The following BAZ2B variants were observed in gnomAD, a reference collection of about 807,000 sequenced individuals.
BAZ2B encodes bromodomain adjacent to zinc finger domain 2B.
In BAZ2B, 91 loss-of-function variants were observed where a neutral mutation model predicts 246.0. The ratio of observed to expected loss-of-function variants is 0.37; its 90% CI spans 0.31 to 0.44. The LOEUF (loss-of-function observed/expected upper bound fraction) is 0.44. Among genes scored for constraint, BAZ2B ranks in the 20% least tolerant of loss-of-function variants. The pLI is 1.00. For synonymous variants in BAZ2B, 855 were observed against 860.0 expected (o/e 0.99, Z 0.10); for missense variants, 2,332 against 2,533.7 (o/e 0.92, Z 1.71).
At chr2:159,448,622 C>G (rs939339369) in intron 4 of BAZ2B, among the ~76,000 whole-genome samples, 1 of 152,196 alleles carries the variant, frequency 6.6e-6, no homozygotes, top group African/African-American at 2.4e-5. Flanking sequence ...AGGATCTTCA[C>G]TTGGCAGCTT....
chr2:159,508,735 A>G (rs1204571096), intron 2 of BAZ2B, among the ~76,000 whole-genome samples: 2 of 152,186 alleles, frequency 1.3e-5, no homozygotes, highest in Admixed American at 6.5e-5. Context: ...AAAACTTCCA[A>G]TTAGTTTTCC....
the BAZ2B span, among the ~76,000 whole-genome samples, chr2:159,709,313 G>C: frequency 5.9e-5 from 9 of 151,990 alleles, no homozygotes; most frequent in South Asian, 2.1e-4. Context: ...GTGTGGTGGG[G>C]GTGGGGACAA....
chr2:159,595,675 G>A (rs1355294377), intron 1 of BAZ2B, among the ~76,000 whole-genome samples: 1 of 152,172 alleles, frequency 6.6e-6, no homozygotes, highest in Non-Finnish European at 1.5e-5. Context: ...TTAGCCTAAA[G>A]CTGCCTCTTT....
At chr2:159,345,128 T>C (rs2067551554) in intron 31 of BAZ2B, among the ~76,000 whole-genome samples, 1 of 151,880 alleles carries the variant, frequency 6.6e-6, no homozygotes, top group South Asian at 2.1e-4. Flanking sequence ...GGAGAATCGC[T>C]TGAACCTGGG....
intron 1 of BAZ2B, among the ~76,000 whole-genome samples, chr2:159,558,957 G>A (rs1359070580): frequency 2.0e-5 from 3 of 152,054 alleles, no homozygotes; most frequent in African/African-American, 7.2e-5. Flanking sequence ...TAGCTACATA[G>A]GCCAGGCGCG....
intron 2 of BAZ2B, among the ~76,000 whole-genome samples, chr2:159,535,279 T>C (rs1436131687): frequency 6.6e-6 from 1 of 152,212 alleles, no homozygotes; most frequent in African/African-American, 2.4e-5. Flanking sequence ...TCCAGCACTG[T>C]GGGAGACTGA....
At chr2:159,705,680 T>A in the BAZ2B span, among the ~76,000 whole-genome samples, 7 of 152,168 alleles carry the variant, frequency 4.6e-5, no homozygotes, top group Admixed American at 3.3e-4. Flanking sequence ...ATAAATTTTT[T>A]AAGATGTAAG....
rs1194220973 is a variant in BAZ2B, at chr2:159,428,532, AAAAT to A, written c.2256-117_2256-114del. ...CTAGAAAACATAAAAAATGAAAACA[AAAAT>A]AAACTCCTCAAACAACCCAAATACA... On this transcript the variant is annotated intron_variant, in intron 11 of 36. Transcript: ENST00000392783. 1.5e-5 allele frequency: 10 copies of A among 689,468 alleles called. No individual in the cohort carries two copies. In the East Asian group the frequency reaches 2.0e-4, roughly 14 times the overall value. The allele number at this position is 689,468 out of a possible 1,614,324, so 42.7% of individuals were successfully genotyped here. A position where few individuals can be genotyped will look rare whatever the true frequency, so the allele number is the denominator to read the frequency against.
chr2:159,473,286 G>C lies in BAZ2B; in HGVS notation c.145+5289C>G, dbSNP rs1008569002. Reference sequence around the variant, plus strand: ...TATTCAGGGATTCGACCTCTTCCTGGTTTTGTCTTGGGAGGGTGTATGTGT... The same window carrying C: ...TATTCAGGGATTCGACCTCTTCCTGCTTTTGTCTTGGGAGGGTGTATGTGT... On this transcript the variant is annotated intron_variant, in intron 3 of 36. Transcript: ENST00000392783. Among the ~76,000 whole-genome samples, 6 of 152,208 alleles carry C rather than the reference G, an allele frequency of 3.9e-5. No individual in the cohort carries two copies. In the East Asian group the frequency reaches 7.7e-4, roughly 20 times the overall value.
the BAZ2B span, among the ~76,000 whole-genome samples, chr2:159,647,729 T>C: frequency 6.6e-6 from 1 of 152,056 alleles, no homozygotes; most frequent in Non-Finnish European, 1.5e-5. Flanking sequence ...ACCAATAAAA[T>C]AAAAAAATCA....
At chr2:159,387,746 T>C (rs1005558540) in intron 21 of BAZ2B, among the ~76,000 whole-genome samples, 1 of 152,278 alleles carries the variant, frequency 6.6e-6, no homozygotes, top group South Asian at 2.1e-4. Context: ...ATATTTGATA[T>C]AGTACATATG....
At chr2:159,558,742 G>GT (rs2089503091) in intron 1 of BAZ2B, among the ~76,000 whole-genome samples, 1 of 152,100 alleles carries the variant, frequency 6.6e-6, no homozygotes, top group Non-Finnish European at 1.5e-5. Context: ...GAATTGCAGG[G>GT]TTTTTTGTTT....
chr2:159,420,111 A>G (rs775147367), intron 13 of BAZ2B, among the ~76,000 whole-genome samples: 4 of 152,178 alleles, frequency 2.6e-5, no homozygotes, highest in African/African-American at 4.8e-5. Flanking sequence ...CTCTAAACCA[A>G]CAATCATTTT....
At chr2:159,688,005 T>C in the BAZ2B span, among the ~76,000 whole-genome samples, 548 of 152,340 alleles carry the variant, frequency 3.6e-3, 5 homozygotes, top group African/African-American at 0.013. Context: ...TACTTTTACA[T>C]ATCTTAAATT....
the BAZ2B span, among the ~76,000 whole-genome samples, chr2:159,673,508 T>C: frequency 6.6e-6 from 1 of 152,214 alleles, no homozygotes; most frequent in African/African-American, 2.4e-5. Context: ...TTCTGGAATT[T>C]ACCCTGAATA....
At chr2:159,590,362 G>C (rs1478916481) in intron 1 of BAZ2B, among the ~76,000 whole-genome samples, 3 of 151,676 alleles carry the variant, frequency 2.0e-5, no homozygotes, top group Non-Finnish European at 2.9e-5. Flanking sequence ...GGCCAAGGTG[G>C]GTGGATCACC....
At chr2:159,617,774 GA>G (rs200827888), upstream of BAZ2B, among the ~76,000 whole-genome samples, 62 of 144,336 alleles carry the variant, frequency 4.3e-4, no homozygotes, top group Admixed American at 4.1e-4. Flanking sequence ...GCTTCATTAG[GA>G]AAAAAAAAAA....
the BAZ2B span, among the ~76,000 whole-genome samples, chr2:159,687,325 A>G: frequency 3.1e-3 from 476 of 152,316 alleles, 3 homozygotes; most frequent in Non-Finnish European, 5.4e-3. Flanking sequence ...GCCTCAAGAT[A>G]GAGGCTGGTT....
intron 1 of BAZ2B, among the ~76,000 whole-genome samples, chr2:159,603,285 CA>C (rs1692614538): frequency 6.6e-6 from 1 of 152,170 alleles, no homozygotes; most frequent in African/African-American, 2.4e-5. Flanking sequence ...GCAAAAACTA[CA>C]TAACAGCTAC....
Sources: allele counts gnomAD v4.1 joint callset (sites outside exome capture counted in the v4.1 genomes callset), GRCh38; gene constraint gnomAD v4.1.1; transcripts MANE v1.5; gene names NCBI Gene and HGNC (gene_info 2026-07-23, HGNC 2026-07-21).